FH: variants seen among roughly 807,000 people sequenced by gnomAD.
FH encodes the protein fumarate hydratase, mitochondrial.
A neutral mutation model predicts 49.4 loss-of-function variants in FH; 22 were observed. The observed-to-expected ratio is 0.45, with a 90% CI of 0.32 to 0.64. The LOEUF is 0.64. FH is among the 30% of genes least tolerant of loss of function. The probability of loss-of-function intolerance (pLI) is 0.05; values close to 1 mark genes in which losing one functional copy is unlikely to be tolerated. For missense variants in FH, 526 were observed against 641.5 expected, an observed-to-expected ratio of 0.82 and a Z score of 1.95; for synonymous variants, 208 against 223.0, an observed-to-expected ratio of 0.93 and a Z score of 0.60.
chr1:241,517,319 A>C lies in FH; in HGVS notation c.133-3T>G. The C allele has an allele frequency of 1.2e-6, 2 of 1,614,016 alleles. No individual in the cohort carries two copies. Among genetic ancestry groups the C allele is most frequent in the Non-Finnish European group, 1.7e-6 (2 of 1,180,000 alleles). The stretch of plus-strand genomic sequence containing the variant: ...ATCCGGAAGGAATTTTGGCTTGCCT[A>C]AAGACAAGAATACAACACTATTACA... On this transcript the variant is annotated splice_polypyrimidine_tract_variant and splice_region_variant and intron_variant, in intron 1 of 9. Transcript: ENST00000366560.
intron 4 of FH, among the ~76,000 whole-genome samples, chr1:241,511,325 T>A (rs1660077825): frequency 6.6e-6 from 1 of 152,254 alleles, no homozygotes; most frequent in South Asian, 2.1e-4. Context: ...GACCTCGGAC[T>A]TCTAGCTGCC....
intron 4 of FH, among the ~76,000 whole-genome samples, chr1:241,511,535 G>A (rs1443337909): frequency 6.6e-6 from 1 of 152,010 alleles, no homozygotes; most frequent in Non-Finnish European, 1.5e-5. Context: ...TGGAAAAACT[G>A]AGGAAAGCCT....
chr1:241,513,847 G>C (rs915115264), intron 2 of FH, 134 bp from the exon 3 acceptor site: 24 of 682,658 alleles, frequency 3.5e-5, no homozygotes, highest in South Asian at 2.7e-4. Flanking sequence ...AAAATGTTTC[G>C]GTTATAGAGA....
rs979808220 is a variant in FH at position 241,508,503 on chromosome 1, G to C, written c.738+100C>G. The C allele has an allele frequency of 5.2e-6, 5 of 955,882 alleles. No homozygotes were observed. Among genetic ancestry groups the C allele is most frequent in the Non-Finnish European group, 8.5e-6 (5 of 585,924 alleles). 59.2% of individuals were successfully genotyped at this position (955,882 alleles called of 1,614,324 possible). On this transcript the variant is annotated intron_variant, in intron 5 of 9. Transcript: ENST00000366560. ...ACAACCTCTGTCACTGAAGTTTCCGGTTACAAATTTGGCCTTTTAAGCTAG... is the reference window on the plus strand; with the variant it reads ...ACAACCTCTGTCACTGAAGTTTCCGCTTACAAATTTGGCCTTTTAAGCTAG...
At chr1:241,505,938 C>G (rs1659916474) in intron 6 of FH, 65 bp downstream of exon 6, 3 of 1,444,742 alleles carry the variant, frequency 2.1e-6, no homozygotes, top group Non-Finnish European at 2.9e-6. Flanking sequence ...CAGGAACACT[C>G]AGAAAATGTA....
At position 241,497,603 on chromosome 1, in the gene FH, T is replaced by C. The variant is rs200913906; in HGVS notation, c.*225A>G. 3 of 447,010 alleles carry C rather than the reference T, an allele frequency of 6.7e-6. No individual in the cohort carries two copies. Among genetic ancestry groups the C allele is most frequent in the South Asian group, 4.0e-5 (1 of 24,854 alleles). 27.7% of individuals were successfully genotyped at this position (447,010 alleles called of 1,614,324 possible). ...ACAAGTCAATTAACATAGGAGAAAA[T>C]TTAAGTCTGTTTTCCTTTTTATTTT... On this transcript the variant is annotated 3_prime_UTR_variant, in exon 10 of 10. Coordinates refer to ENST00000366560, the MANE Select transcript of FH (RefSeq NM_000143.4).
chr1:241,508,910 T>C (rs959349887), intron 4 of FH, 125 bp from the exon 5 acceptor site: 2 of 726,092 alleles, frequency 2.8e-6, no homozygotes, highest in Non-Finnish European at 4.6e-6. Context: ...CTCAGTTACA[T>C]GTATGTGTGG....
intron 2 of FH, among the ~76,000 whole-genome samples, chr1:241,514,371 T>G (rs1246019935): frequency 6.6e-6 from 1 of 152,158 alleles, no homozygotes; most frequent in African/African-American, 2.4e-5. Flanking sequence ...GGTGACAGCT[T>G]CCGATATATA....
At chr1:241,503,778 C>T (rs1659840578) in intron 7 of FH, among the ~76,000 whole-genome samples, 1 of 152,224 alleles carries the variant, frequency 6.6e-6, no homozygotes, top group Non-Finnish European at 1.5e-5. Flanking sequence ...TTTTATTCAA[C>T]CCGCGCTGAT....
intron 5 of FH, among the ~76,000 whole-genome samples, chr1:241,506,539 A>G (rs1434893907): frequency 1.3e-5 from 2 of 152,182 alleles, no homozygotes; most frequent in Non-Finnish European, 2.9e-5. Flanking sequence ...ATTTTTTGGG[A>G]TGCCTCAGAC....
At chr1:241,517,137 C>T (rs576984367) in intron 2 of FH, 45 bp downstream of exon 2, 17 of 1,611,212 alleles carry the variant, frequency 1.1e-5, no homozygotes, top group Non-Finnish European at 1.4e-5. Context: ...ATGAATACAG[C>T]CTACTTCATC....
intron 5 of FH, among the ~76,000 whole-genome samples, chr1:241,506,646 A>C (rs761060490): frequency 6.6e-6 from 1 of 152,212 alleles, no homozygotes; most frequent in Non-Finnish European, 1.5e-5. Context: ...ACCTACCAGG[A>C]AATATGAAGA....
intron 1 of FH, among the ~76,000 whole-genome samples, chr1:241,517,834 G>A (rs1660261582): frequency 6.6e-6 from 1 of 151,966 alleles, no homozygotes; most frequent in Non-Finnish European, 1.5e-5. Flanking sequence ...ATGCTACCAA[G>A]TCAGTATCAC....
rs567291615 is a variant in FH at position 241,506,097 on chromosome 1, A to G, written c.810T>C (p.Tyr270=). Residue 270 remains tyrosine, a synonymous_variant, in exon 6 of 10, where the codon TAT becomes TAC. Coordinates refer to ENST00000366560, the MANE Select transcript of FH (RefSeq NM_000143.4). ...CAGCAGTGCCTCCAGCTGCGAGCTCATAGATTCTTGGCATGGCAGCTTTTA... is the reference window on the plus strand; with the variant it reads ...CAGCAGTGCCTCCAGCTGCGAGCTCGTAGATTCTTGGCATGGCAGCTTTTA... ...TRIKAAMPRI[Y]ELAAGGTAVG... The G allele has an allele frequency of 1.2e-6, 2 of 1,614,060 alleles. No homozygotes were observed. The highest frequency in any genetic ancestry group is 2.7e-5 in the African/African-American group (2 of 75,046).
At chr1:241,501,964 G>C (rs1432298203) in intron 8 of FH, among the ~76,000 whole-genome samples, 1 of 152,216 alleles carries the variant, frequency 6.6e-6, no homozygotes, top group African/African-American at 2.4e-5. Flanking sequence ...AAGAAAGCAG[G>C]GATGAAGAAT....
chr1:241,519,535 G>C, intron 1 of FH, 56 bp downstream of exon 1: 1 of 1,522,526 alleles, frequency 6.6e-7, no homozygotes, highest in Non-Finnish European at 8.8e-7. Context: ...CAGGCCGGCA[G>C]GCAGGAGGGC....
At chr1:241,515,205 T>C (rs908657639) in intron 2 of FH, among the ~76,000 whole-genome samples, 2 of 152,164 alleles carry the variant, frequency 1.3e-5, no homozygotes, top group African/African-American at 2.4e-5. Context: ...GTTTTACACA[T>C]AATAAAGTTC....
chr1:241,504,448 T>A (rs923150014), intron 6 of FH, among the ~76,000 whole-genome samples: 1 of 152,210 alleles, frequency 6.6e-6, no homozygotes, highest in Non-Finnish European at 1.5e-5. Flanking sequence ...TTACATTTTT[T>A]AAGTTTTTTC....
chr1:241,506,836 A>G (rs187143700), intron 5 of FH, among the ~76,000 whole-genome samples: 6 of 152,306 alleles, frequency 3.9e-5, no homozygotes, highest in Admixed American at 2.6e-4. Flanking sequence ...CAACCACAGA[A>G]TTTATGTTTT....
Sources: allele counts gnomAD v4.1 joint callset (sites outside exome capture counted in the v4.1 genomes callset), GRCh38; gene constraint gnomAD v4.1.1; transcripts MANE v1.5; gene names NCBI Gene and HGNC (gene_info 2026-07-23, HGNC 2026-07-21).